DOCK3: variants seen among roughly 807,000 people sequenced by gnomAD.
The protein encoded by DOCK3 is dedicator of cytokinesis 3, also known as dedicator of cytokinesis protein 3.
In DOCK3, 60 loss-of-function variants were observed where a neutral mutation model predicts 265.6. That is an observed-to-expected ratio of 0.23 (90% CI 0.18 to 0.28). The LOEUF (loss-of-function observed/expected upper bound fraction) is 0.28, where lower values mean the gene tolerates loss of function less well. Among genes scored for constraint, DOCK3 ranks in the 10% least tolerant of loss-of-function variants. The pLI is 1.00. For missense variants in DOCK3, 1,981 were observed against 2,594.3 expected, an observed-to-expected ratio of 0.76 and a Z score of 5.14; for synonymous variants, 881 against 938.0, an observed-to-expected ratio of 0.94 and a Z score of 1.11.
At chr3:50,846,743 T>A (rs754020734) in intron 3 of DOCK3, among the ~76,000 whole-genome samples, 1 of 152,196 alleles carries the variant, frequency 6.6e-6, no homozygotes, top group Non-Finnish European at 1.5e-5. Context: ...GGATCTTGTG[T>A]GTTTTCAGGA....
At chr3:51,342,769 C>T (rs1230493096) in intron 38 of DOCK3, among the ~76,000 whole-genome samples, 1 of 152,152 alleles carries the variant, frequency 6.6e-6, no homozygotes, top group African/African-American at 2.4e-5. Flanking sequence ...GAGTAAAACA[C>T]AAAGTGTGCC....
At chr3:51,319,186 CAAAT>C (rs1286540934) in intron 32 of DOCK3, among the ~76,000 whole-genome samples, 2 of 152,094 alleles carry the variant, frequency 1.3e-5, no homozygotes, top group South Asian at 2.1e-4. Flanking sequence ...TCCTATTAAA[CAAAT>C]AAATAAATAT....
intron 9 of DOCK3, among the ~76,000 whole-genome samples, chr3:51,136,554 A>G (rs1442004136): frequency 6.6e-6 from 1 of 151,998 alleles, no homozygotes; most frequent in Non-Finnish European, 1.5e-5. Flanking sequence ...GCCCCTTTCT[A>G]TGCAATTATA....
intron 19 of DOCK3, among the ~76,000 whole-genome samples, chr3:51,236,038 T>C (rs2078334791): frequency 6.6e-6 from 1 of 152,232 alleles, no homozygotes; most frequent in South Asian, 2.1e-4. Context: ...AAATTGCTAT[T>C]CTGCATAGGT....
chr3:51,225,793 C>A lies in DOCK3; in HGVS notation c.1377+20C>A, dbSNP rs1334229224. The A allele has an allele frequency of 1.2e-5, 20 of 1,604,656 alleles. No individual in the cohort carries two copies. Among genetic ancestry groups the A allele is most frequent in the South Asian group, 4.5e-5 (4 of 89,224 alleles). On this transcript the variant is annotated intron_variant, in intron 15 of 52. Coordinates refer to ENST00000266037, the MANE Select transcript of DOCK3 (RefSeq NM_004947.5). ...TTGAAGGTAAGGCTTGCCAGTCAGT[C>A]ATTTGGGTTGGAGGATAATCCTATA...
At chr3:51,273,965 G>A (rs957456663) in intron 24 of DOCK3, among the ~76,000 whole-genome samples, 2 of 152,134 alleles carry the variant, frequency 1.3e-5, no homozygotes, top group East Asian at 1.9e-4. Context: ...TATAGAAGAG[G>A]CCCTTACACC....
intron 14 of DOCK3, among the ~76,000 whole-genome samples, chr3:51,216,355 AT>A (rs2089786674): frequency 6.6e-6 from 1 of 152,186 alleles, no homozygotes; most frequent in Non-Finnish European, 1.5e-5. Flanking sequence ...CTCTGGAAAT[AT>A]GTAATTTCAA....
intron 49 of DOCK3, among the ~76,000 whole-genome samples, chr3:51,369,924 C>T (rs1444077708): frequency 6.6e-6 from 1 of 152,236 alleles, no homozygotes; most frequent in East Asian, 1.9e-4. Context: ...CCAGCCCTCA[C>T]TCTCATGCCC....
At chr3:50,790,911 CT>C (rs1559642206) in intron 2 of DOCK3, among the ~76,000 whole-genome samples, 1 of 151,708 alleles carries the variant, frequency 6.6e-6, no homozygotes, top group African/African-American at 2.4e-5. Flanking sequence ...ACATGAATGT[CT>C]TTTTTTGAGA....
intron 33 of DOCK3, among the ~76,000 whole-genome samples, 186 bp downstream of exon 33, chr3:51,330,409 A>G (rs1168541761): frequency 8.5e-5 from 13 of 152,218 alleles, no homozygotes; most frequent in Non-Finnish European, 4.4e-5. Context: ...AGGGATTCCC[A>G]TAGTTGACTG....
chr3:50,777,004 A>G (rs369553248), intron 1 of DOCK3, among the ~76,000 whole-genome samples: 11 of 152,326 alleles, frequency 7.2e-5, no homozygotes, highest in Admixed American at 3.3e-4. Flanking sequence ...AGAGAATGTG[A>G]GCCAAGCGAA....
At chr3:51,163,721 G>A (rs765132340) in intron 12 of DOCK3, among the ~76,000 whole-genome samples, 5 of 152,070 alleles carry the variant, frequency 3.3e-5, no homozygotes, top group African/African-American at 4.8e-5. Context: ...AATGAAAAAT[G>A]TCCAAATATA....
chr3:51,036,070 A>AT (rs1379128100), intron 5 of DOCK3, among the ~76,000 whole-genome samples: 2 of 152,148 alleles, frequency 1.3e-5, no homozygotes, highest in East Asian at 3.9e-4. Context: ...ATCTAAAAAA[A>AT]TTTTTTAAAC....
chr3:51,117,424 T>C (rs1277715269), intron 9 of DOCK3, among the ~76,000 whole-genome samples: 2 of 149,704 alleles, frequency 1.3e-5, no homozygotes, highest in African/African-American at 4.9e-5. Context: ...CCTGAAATTT[T>C]CTTTTTTTAT....
chr3:50,758,556 C>T (rs1210316064), intron 1 of DOCK3, among the ~76,000 whole-genome samples: 3 of 152,150 alleles, frequency 2.0e-5, no homozygotes, highest in Non-Finnish European at 4.4e-5. Flanking sequence ...TGAAAGTGTA[C>T]AGTTCTGCAG....
At chr3:51,048,363 C>T (rs1244169262) in intron 5 of DOCK3, among the ~76,000 whole-genome samples, 1 of 152,052 alleles carries the variant, frequency 6.6e-6, no homozygotes, top group Non-Finnish European at 1.5e-5. Context: ...CAACATGGTA[C>T]AGGTTGAATA....
chr3:50,864,434 C>T (rs1259666827), intron 3 of DOCK3, among the ~76,000 whole-genome samples: 1 of 152,068 alleles, frequency 6.6e-6, no homozygotes, highest in Non-Finnish European at 1.5e-5. Context: ...CTTTGAAGAA[C>T]TTTAGTTTGA....
At chr3:50,901,325 C>G (rs1052174627) in intron 4 of DOCK3, among the ~76,000 whole-genome samples, 2 of 152,156 alleles carry the variant, frequency 1.3e-5, no homozygotes, top group African/African-American at 2.4e-5. Context: ...CCCCTCCCCC[C>G]ACCAAGCTCG....
At chr3:51,014,388 C>T (rs75468133) in intron 5 of DOCK3, among the ~76,000 whole-genome samples, 2 of 152,098 alleles carry the variant, frequency 1.3e-5, no homozygotes, top group African/African-American at 4.8e-5. Context: ...CTTACATTCT[C>T]CACCTCCCTC....
Sources: allele counts gnomAD v4.1 joint callset (sites outside exome capture counted in the v4.1 genomes callset), GRCh38; gene constraint gnomAD v4.1.1; transcripts MANE v1.5; gene names NCBI Gene and HGNC (gene_info 2026-07-23, HGNC 2026-07-21).